STARD9: variants seen among roughly 807,000 people sequenced by gnomAD.
STARD9 encodes the protein StAR related lipid transfer domain containing 9.
Under a neutral mutation model 399.8 loss-of-function variants are expected in STARD9, and 346 were observed. That is an observed-to-expected ratio of 0.87 (90% confidence interval 0.79 to 0.95). STARD9 has a LOEUF of 0.95. STARD9 is among the 40% of genes least tolerant of loss of function. STARD9 has a pLI of 0.00. For synonymous variants in STARD9, 2,203 were observed against 2,143.5 expected (o/e 1.03, Z -0.77); for missense variants, 5,832 against 5,667.5 (o/e 1.03, Z -0.93).
chr15:42,607,651 TACACACACACACACAC>T (rs10655556), intron 3 of STARD9, among the ~76,000 whole-genome samples: 49 of 143,778 alleles, frequency 3.4e-4, no homozygotes, highest in African/African-American at 1.2e-3. Context: ...CACACACTTA[TACACACACACACACAC>T]ACACACACAC....
At chr15:42,584,204 T>C (rs1407247747) in intron 2 of STARD9, among the ~76,000 whole-genome samples, 4 of 152,124 alleles carry the variant, frequency 2.6e-5, no homozygotes, top group African/African-American at 9.7e-5. Context: ...AACAGAGTTA[T>C]TTGGACCCCA....
chr15:42,675,938 T>A lies in STARD9; in HGVS notation c.1837T>A (p.Ser613Thr). Residue 613 changes from serine (S) to threonine (T), a missense_variant, in exon 20 of 33, where the codon TCC (serine) becomes ACC (threonine). Coordinates refer to ENST00000290607, the MANE Select transcript of STARD9 (RefSeq NM_020759.3). ...WLDLDGDLAA[S>T]RLGLSPLLWK... ...GGATTTGGATGGAGATCTCGCTGCC[T>A]CCCGGCTGGGTCTCTCCCCTTTGCT... 1 of 1,536,836 alleles carries A rather than the reference T, an allele frequency of 6.5e-7. No homozygotes were observed. Among genetic ancestry groups the A allele is most frequent in the East Asian group, 2.4e-5 (1 of 40,890 alleles).
rs1476861958 is a variant in STARD9 at position 42,687,236 on chromosome 15, A to G, written c.5658A>G (p.Gly1886=). ...NKKHSFPALE[G]GEVTAQSCCG... ...AACACAGTTTTCCAGCACTTGAGGGAGGAGAGGTCACTGCTCAGTCCTGTT... is the reference window on the plus strand; with the variant it reads ...AACACAGTTTTCCAGCACTTGAGGGGGGAGAGGTCACTGCTCAGTCCTGTT... The change falls in exon 23 of 33, where the codon GGA becomes GGG. Residue 1886 remains glycine, a synonymous_variant. Transcript: ENST00000290607. 2 of 1,537,064 alleles carry G rather than the reference A, an allele frequency of 1.3e-6. No individual in the cohort carries two copies. Among genetic ancestry groups the G allele is most frequent in the African/African-American group, 1.4e-5 (1 of 73,060 alleles).
At position 42,682,405 on chromosome 15, in the gene STARD9, G is replaced by GTTC; in HGVS notation, c.2367_2368insTTC (p.Glu789_Lys790insPhe). The GTTC allele has an allele frequency of 6.5e-7, 1 of 1,537,250 alleles. No homozygotes were observed. The highest frequency in any genetic ancestry group is 8.7e-7 in the Non-Finnish European group (1 of 1,146,912). On this transcript the variant is annotated inframe_insertion, in exon 22 of 33. Coordinates refer to ENST00000290607, the MANE Select transcript of STARD9 (RefSeq NM_020759.3). Reference sequence around the variant, plus strand: ...TGCTGGAGGCCCAGAAGAGACTGGAGAAGCTCACGACATTGTGCTGGCTCC... The same window carrying GTTC: ...TGCTGGAGGCCCAGAAGAGACTGGAGTTCAAGCTCACGACATTGTGCTGGCTCC...
chr15:42,635,930 G>T (rs1403029421), intron 4 of STARD9, among the ~76,000 whole-genome samples: 3 of 152,158 alleles, frequency 2.0e-5, no homozygotes, highest in Non-Finnish European at 4.4e-5. Context: ...TTAATGAGAG[G>T]CTTCCTTTAT....
Position 42,687,503 on chromosome 15 carries a change from A to G in STARD9, c.5925A>G (p.Lys1975=). The G allele has an allele frequency of 1.3e-6, 2 of 1,537,140 alleles. No homozygotes were observed. The highest frequency in any genetic ancestry group is 1.7e-6 in the Non-Finnish European group (2 of 1,146,906). ...GGGPTPKWEG[K]NETGLLEKGL... is the part of the protein sequence containing the mutation. ...GCCCAACCCCTAAGTGGGAAGGGAA[A>G]AATGAAACTGGGCTTCTTGAAAAAG... Residue 1975 remains lysine, a synonymous_variant, in exon 23 of 33, where the codon AAA becomes AAG. Coordinates refer to ENST00000290607, the MANE Select transcript of STARD9 (RefSeq NM_020759.3).
At chr15:42,624,609 C>T (rs1017284621) in intron 3 of STARD9, among the ~76,000 whole-genome samples, 14 of 151,420 alleles carry the variant, frequency 9.2e-5, no homozygotes, top group South Asian at 2.1e-4. Context: ...AGTGCAGTGA[C>T]GCAATCTTGG....
chr15:42,661,844 T>A (rs2059999534), intron 10 of STARD9, among the ~76,000 whole-genome samples: 1 of 152,146 alleles, frequency 6.6e-6, no homozygotes, highest in South Asian at 2.1e-4. Flanking sequence ...CATCAGGATA[T>A]TGTTAAAGCT....
At chr15:42,659,590 G>A (rs560296398) in intron 9 of STARD9, among the ~76,000 whole-genome samples, 2 of 152,250 alleles carry the variant, frequency 1.3e-5, no homozygotes, top group East Asian at 1.9e-4. Flanking sequence ...GCAGTGGCGC[G>A]ATCTTGGCTC....
In STARD9 at chr15:42,649,086, A is replaced by G. The variant is rs574731559; in HGVS notation, c.560-1930A>G. Among the ~76,000 whole-genome samples the G allele has an allele frequency of 1.4e-4, 21 of 151,712 alleles. No individual in the cohort carries two copies. The South Asian group carries it at 3.1e-3, about 23-fold the overall frequency. ...GCTGTGTTGCCCAGGCTGGAGTGCA[A>G]TGGCGCAATCTCAGCTCACTGCAAC... On this transcript the variant is annotated intron_variant, in intron 7 of 32. Coordinates refer to ENST00000290607, the MANE Select transcript of STARD9 (RefSeq NM_020759.3).
chr15:42,617,127 G>A (rs1240909095), intron 3 of STARD9, among the ~76,000 whole-genome samples: 1 of 152,192 alleles, frequency 6.6e-6, no homozygotes, highest in Non-Finnish European at 1.5e-5. Context: ...ACCTTACACA[G>A]TAAGAGCCGT....
In STARD9 at chr15:42,638,070, C is replaced by T. The variant is rs2059451816; in HGVS notation, c.429C>T (p.Ser143=). The T allele has an allele frequency of 2.6e-6, 4 of 1,537,250 alleles. No individual in the cohort carries two copies. In the East Asian group the frequency reaches 9.8e-5, roughly 38 times the overall value. The part of the protein sequence containing the change: ...REKDCASLPS[S]CRIKVSFLEI... Reference sequence around the variant, plus strand: ...AAGACTGTGCCTCACTGCCTTCCTCCTGTAGGATAAAAGTAAGGTAAGAAC... The same window carrying T: ...AAGACTGTGCCTCACTGCCTTCCTCTTGTAGGATAAAAGTAAGGTAAGAAC... Residue 143 remains serine, a synonymous_variant, in exon 6 of 33, where the codon TCC becomes TCT. Coordinates refer to ENST00000290607, the MANE Select transcript of STARD9 (RefSeq NM_020759.3).
At chr15:42,714,225 G>C (rs2061310611) in intron 26 of STARD9, among the ~76,000 whole-genome samples, 1 of 151,860 alleles carries the variant, frequency 6.6e-6, no homozygotes, top group Non-Finnish European at 1.5e-5. Context: ...ACCATGCCCG[G>C]CTAATTTTTT....
chr15:42,693,569 G>A lies in STARD9; in HGVS notation c.11991G>A (p.Gly3997=), dbSNP rs1012065360. Reference sequence around the variant, plus strand: ...CAAAACTCCAATTTAGTTTCTTAGGGCAGCACCCTCAGCAGCTTCAGCCCA... The same window carrying A: ...CAAAACTCCAATTTAGTTTCTTAGGACAGCACCCTCAGCAGCTTCAGCCCA... ...QSPKLQFSFL[G]QHPQQLQPRT... Residue 3997 remains glycine (G), a synonymous_variant, in exon 23 of 33, where the codon GGG becomes GGA. Transcript: ENST00000290607. The A allele has an allele frequency of 6.5e-7, 1 of 1,537,236 alleles. No individual in the cohort carries two copies. The highest frequency in any genetic ancestry group is 8.7e-7 in the Non-Finnish European group (1 of 1,146,902).
chr15:42,651,042 T>C lies in STARD9; in HGVS notation c.586T>C (p.Tyr196His). The change falls in exon 8 of 33, where the codon TAT becomes CAT. Residue 196 changes from tyrosine (Y) to histidine (H), a missense_variant. Physicochemically the swap from Tyr to His is moderately conservative, Grantham distance 83. This residue lies in a region of STARD9 where 5,828 missense variants were observed against 5,651.1 expected (regional missense o/e 1.03). Coordinates refer to ENST00000290607, the MANE Select transcript of STARD9 (RefSeq NM_020759.3). ...TTTATCTCAACATGTAGTTACCAATTATAAGCAAGTAATCCAACTCTTGGA... is the reference window on the plus strand; with the variant it reads ...TTTATCTCAACATGTAGTTACCAATCATAAGCAAGTAATCCAACTCTTGGA... ...QGLSQHVVTN[Y>H]KQVIQLLEEG... 6.5e-7 allele frequency: 1 copy of C among 1,534,732 alleles called. No homozygotes were observed. The highest frequency in any genetic ancestry group is 8.7e-7 in the Non-Finnish European group (1 of 1,145,230).
chr15:42,675,505 G>A (rs2060291840), intron 18 of STARD9, 159 bp from the exon 19 acceptor site: 2 of 609,308 alleles, frequency 3.3e-6, no homozygotes, highest in Non-Finnish European at 5.8e-6. Context: ...AATTCAAGAT[G>A]TATGCTGTGA....
In STARD9 at chr15:42,684,212, A is replaced by G. The variant is rs956870970; in HGVS notation, c.2634A>G (p.Pro878=). Residue 878 remains proline (P), a synonymous_variant, in exon 23 of 33, where the codon CCA becomes CCG. Transcript: ENST00000290607. ...AAACATCATCAGAAGAGCATTTGCCACAGGCTGCTTCCTACCCTGCAAGGA... is the reference window on the plus strand; with the variant it reads ...AAACATCATCAGAAGAGCATTTGCCGCAGGCTGCTTCCTACCCTGCAAGGA... ...SEKTSSEEHL[P]QAASYPARTG... The G allele has an allele frequency of 1.4e-5, 21 of 1,537,280 alleles. No homozygotes were observed. Among genetic ancestry groups the G allele is most frequent in the East Asian group, 2.4e-5 (1 of 40,916 alleles).
intron 20 of STARD9, 96 bp from the exon 21 acceptor site, chr15:42,681,326 T>C (rs1313234602): frequency 2.4e-6 from 3 of 1,264,364 alleles, no homozygotes; most frequent in Non-Finnish European, 3.2e-6. Flanking sequence ...CCCTGTTGAT[T>C]GCAGGGGCTC....
chr15:42,643,275 C>A (rs2059576326), intron 7 of STARD9, among the ~76,000 whole-genome samples: 1 of 151,900 alleles, frequency 6.6e-6, no homozygotes, highest in African/African-American at 2.4e-5. Context: ...CAGCTCACTG[C>A]AACCTCTGCC....
Sources: allele counts gnomAD v4.1 joint callset (sites outside exome capture counted in the v4.1 genomes callset), GRCh38; gene constraint gnomAD v4.1.1; regional missense constraint gnomAD v4.1.1; transcripts MANE v1.5; gene names NCBI Gene and HGNC (gene_info 2026-07-23, HGNC 2026-07-21).